Variants in CDON observed in about 807,000 individuals in gnomAD.
CDON encodes the protein cell adhesion molecule-related/down-regulated by oncogenes.
A neutral mutation model predicts 120.9 loss-of-function variants in CDON; 73 were observed. The observed-to-expected ratio is 0.60, with a 90% confidence interval of 0.50 to 0.73. CDON has a LOEUF of 0.73. Among genes scored for constraint, CDON ranks in the 30% least tolerant of loss-of-function variants. The pLI, the probability that CDON is intolerant of heterozygous loss-of-function variation, is 0.00. For synonymous variants in CDON, 566 were observed against 573.5 expected, an observed-to-expected ratio of 0.99 and a Z score of 0.19; for missense variants, 1,470 against 1,587.3, an observed-to-expected ratio of 0.93 and a Z score of 1.26.
chr11:126,003,506 C>T (rs1045965896), intron 10 of CDON, among the ~76,000 whole-genome samples: 4 of 151,814 alleles, frequency 2.6e-5, no homozygotes, highest in African/African-American at 4.8e-5. Flanking sequence ...AGTGAATTTA[C>T]ATATAGGAAT....
chr11:125,999,062 AT>A (rs1377470816), intron 11 of CDON, among the ~76,000 whole-genome samples: 1 of 152,258 alleles, frequency 6.6e-6, no homozygotes, highest in African/African-American at 2.4e-5. Flanking sequence ...TTTAAAAAAA[AT>A]AAATTGCTTA....
chr11:125,967,389 T>C (rs577523763), intron 18 of CDON, among the ~76,000 whole-genome samples: 1 of 152,326 alleles, frequency 6.6e-6, no homozygotes, highest in Non-Finnish European at 1.5e-5. Flanking sequence ...TAATGATAGT[T>C]ATTTCTGTCC....
chr11:125,998,071 G>A (rs76335838), intron 11 of CDON, among the ~76,000 whole-genome samples: 7,331 of 152,190 alleles, frequency 0.048, 278 homozygotes, highest in Admixed American at 0.12. Flanking sequence ...TGTAGAAAAG[G>A]GGGTCAGGGA....
intron 18 of CDON, among the ~76,000 whole-genome samples, chr11:125,975,378 A>G (rs7104086): frequency 0.38 from 57,504 of 152,178 alleles, 10,926 homozygotes; most frequent in Admixed American, 0.44. Context: ...ACTCAATAAA[A>G]GGCCTTGTTT....
intron 1 of CDON, among the ~76,000 whole-genome samples, chr11:126,042,380 C>T (rs1449139563): frequency 1.3e-5 from 2 of 152,144 alleles, no homozygotes; most frequent in Non-Finnish European, 2.9e-5. Flanking sequence ...CTGTAAGTGG[C>T]AAGAAGGTGG....
Position 125,963,169 on chromosome 11 carries a change from G to C in CDON, c.3357-1171C>G, listed in dbSNP as rs1372551127. 4.6e-5 allele frequency among the ~76,000 whole-genome samples: 7 copies of C among 151,936 alleles called. No individual in the cohort carries two copies. In the South Asian group the frequency reaches 1.3e-3, roughly 27 times the overall value. On this transcript the variant is annotated intron_variant, in intron 18 of 19. Coordinates refer to ENST00000531738, the MANE Select transcript of CDON (RefSeq NM_001378964.1). The stretch of plus-strand genomic sequence containing the variant: ...TAAATCTCACACATTTTATTTCAAG[G>C]GTAGACTCTTATTCAGTTTCTGCCT...
chr11:125,998,766 A>T (rs1173972704), intron 11 of CDON, among the ~76,000 whole-genome samples: 1 of 152,182 alleles, frequency 6.6e-6, no homozygotes, highest in Non-Finnish European at 1.5e-5. Flanking sequence ...CTTTGCCTTG[A>T]TCATCTGTGA....
rs1947430068 is a variant in CDON, at chr11:126,015,293, T to G, written c.1146A>C (p.Ala382=). 2 of 1,613,934 alleles carry G rather than the reference T, an allele frequency of 1.2e-6. No individual in the cohort carries two copies. The highest frequency in any genetic ancestry group is 1.7e-6 in the Non-Finnish European group (2 of 1,179,916). The change falls in exon 7 of 20, where the codon GCA becomes GCC. Residue 382 remains alanine (A), a synonymous_variant. Transcript: ENST00000531738. ...AGTGCATAAATCCAATCCCATTATC[T>G]GCTACACACTGATACATCCCAACAT... ...VEDVGMYQCV[A]DNGIGFMHST... is the part of the protein sequence containing the mutation.
intron 5 of CDON, 143 bp downstream of exon 5, chr11:126,018,187 A>G: frequency 1.2e-6 from 1 of 855,548 alleles, no homozygotes. Flanking sequence ...GGGGTGACCC[A>G]CCACACCTAG....
rs956549509 is a variant in CDON at position 126,052,549 on chromosome 11, G to A, written c.-62+10030C>T. Among the ~76,000 whole-genome samples the A allele has an allele frequency of 3.9e-5, 6 of 152,190 alleles. No homozygotes were observed. In the South Asian group the frequency reaches 6.2e-4, roughly 16 times the overall value. Reference sequence around the variant, plus strand: ...AAATAAAAAATAATACAGGCCACGCGTGGTGGCTCACGCCTGTAATCCCAG... The same window carrying A: ...AAATAAAAAATAATACAGGCCACGCATGGTGGCTCACGCCTGTAATCCCAG... On this transcript the variant is annotated intron_variant, in intron 1 of 19. Transcript: ENST00000531738.
intron 15 of CDON, among the ~76,000 whole-genome samples, chr11:125,984,843 T>C (rs1055488154): frequency 6.6e-6 from 1 of 152,220 alleles, no homozygotes; most frequent in Non-Finnish European, 1.5e-5. Context: ...TTAGAAGTTA[T>C]AGCTTTGGAC....
At chr11:126,051,587 C>A (rs1948558934) in intron 1 of CDON, among the ~76,000 whole-genome samples, 1 of 152,020 alleles carries the variant, frequency 6.6e-6, no homozygotes, top group Non-Finnish European at 1.5e-5. Flanking sequence ...ACTGCACCTG[C>A]TGTCATAATA....
chr11:126,045,438 AAAAT>A (rs1948382781), intron 1 of CDON, among the ~76,000 whole-genome samples: 1 of 151,514 alleles, frequency 6.6e-6, no homozygotes, highest in Non-Finnish European at 1.5e-5. Flanking sequence ...AAGGAAATAT[AAAAT>A]AAACAAAAAT....
chr11:126,004,217 C>A, intron 9 of CDON, 141 bp from the exon 10 acceptor site: 1 of 798,954 alleles, frequency 1.3e-6, no homozygotes, highest in Non-Finnish European at 2.1e-6. Flanking sequence ...GTAAAAAAGA[C>A]ACAATACTTC....
Position 126,040,814 on chromosome 11 carries a change from CAAAAAAAAAAAAAAAAAAAA to C in CDON, c.-61-17297_-61-17278del, listed in dbSNP as rs71048763. Among the ~76,000 whole-genome samples, 56 of 45,016 alleles carry C rather than the reference CAAAAAAAAAAAAAAAAAAAA, an allele frequency of 1.2e-3. 1 individual carries two copies. Among genetic ancestry groups the C allele is most frequent in the African/African-American group, 3.2e-3 (39 of 12,212 alleles). The allele number at this position is 45,016 out of a possible 152,430, so 29.5% of individuals were successfully genotyped here. On this transcript the variant is annotated intron_variant, in intron 1 of 19. Coordinates refer to ENST00000531738, the MANE Select transcript of CDON (RefSeq NM_001378964.1). ...CGGGCAACAGAGAAAGACTCCGTCT[CAAAAAAAAAAAAAAAAAAAA>C]AAAAAAAAAAAAGGTACTAAAGTCA...
Position 125,981,305 on chromosome 11 carries a change from T to C in CDON, c.3020A>G (p.Tyr1007Cys). 6.2e-7 allele frequency: 1 copy of C among 1,613,836 alleles called. No individual in the cohort carries two copies. The highest frequency in any genetic ancestry group is 8.5e-7 in the Non-Finnish European group (1 of 1,179,986). ...IQKYDPPGYL[Y>C]QGSDMNGQMV... ...CTGCCCGTTCATATCTGATCCTTGG[T>C]AGAGATATCCTGGTGGGTCATATTC... is the stretch of plus-strand genomic sequence containing the variant. Residue 1007 changes from tyrosine (Y) to cysteine (C), a missense_variant, in exon 17 of 20, where the codon TAC becomes TGC. By Grantham distance (194) the Tyr-to-Cys change is radical. Transcript: ENST00000531738.
intron 16 of CDON, 94 bp from the exon 17 acceptor site, chr11:125,981,423 C>T (rs1946298071): frequency 2.0e-6 from 2 of 989,094 alleles, no homozygotes; most frequent in South Asian, 1.6e-5. Context: ...TGCACATACG[C>T]ACACACGCAC....
In CDON at chr11:125,984,245, G is replaced by A. The variant is rs115247804; in HGVS notation, c.2774-152C>T. On this transcript the variant is annotated intron_variant, in intron 15 of 19. Coordinates refer to ENST00000531738, the MANE Select transcript of CDON (RefSeq NM_001378964.1). Reference sequence around the variant, plus strand: ...TGACCACCAATGAGTCACAAAGAGGGCTCCAAAGTTTAAAAACTTGATGTG... The same window carrying A: ...TGACCACCAATGAGTCACAAAGAGGACTCCAAAGTTTAAAAACTTGATGTG... The A allele has an allele frequency of 7.3e-4, 479 of 656,338 alleles. 2 individuals carry two copies. In the African/African-American group the frequency reaches 8.0e-3, roughly 11 times the overall value. The allele number at this position is 656,338 out of a possible 1,614,324, so 40.7% of individuals were successfully genotyped here. A position where few individuals can be genotyped will look rare whatever the true frequency, so the allele number is the denominator to read the frequency against.
Position 126,058,682 on chromosome 11 carries a change from G to GTT in CDON, c.-62+3896_-62+3897insAA, listed in dbSNP as rs1565562278. ...CAGGAGCATTGGAATTCACATTCTT[G>GTT]GTAGATGAAAACCAATTAACTACAC... On this transcript the variant is annotated intron_variant, in intron 1 of 19. Transcript: ENST00000531738. 2.6e-5 allele frequency among the ~76,000 whole-genome samples: 4 copies of GTT among 152,280 alleles called. No individual in the cohort carries two copies. In the East Asian group the frequency reaches 7.7e-4, roughly 29 times the overall value.
Sources: allele counts gnomAD v4.1 joint callset (sites outside exome capture counted in the v4.1 genomes callset), GRCh38; gene constraint gnomAD v4.1.1; transcripts MANE v1.5; gene names NCBI Gene and HGNC (gene_info 2026-07-23, HGNC 2026-07-21).